Variants in RUNX2 observed in about 807,000 individuals in gnomAD.
RUNX2 encodes RUNX family transcription factor 2, also known as runt-related transcription factor 2.
A neutral mutation model predicts 51.7 loss-of-function variants in RUNX2; 10 were observed. The ratio of observed to expected loss-of-function variants is 0.19; its 90% CI spans 0.12 to 0.33. The LOEUF (loss-of-function observed/expected upper bound fraction) is 0.33. Ranked by LOEUF, RUNX2 falls within the 10% of genes least tolerant of loss-of-function variation. The pLI is 1.00. For synonymous variants in RUNX2, 276 were observed against 273.6 expected (o/e 1.01, Z -0.09); for missense variants, 562 against 691.3 (o/e 0.81, Z 2.10).
chr6:45,512,096 T>G, intron 6 of RUNX2, 150 bp from the exon 7 acceptor site: 1 of 673,082 alleles, frequency 1.5e-6, no homozygotes, highest in Non-Finnish European at 2.5e-6. Flanking sequence ...TTATAAGAGA[T>G]AAATAGCCAT....
chr6:45,474,596 G>A (rs1799902114), intron 5 of RUNX2, among the ~76,000 whole-genome samples: 1 of 152,102 alleles, frequency 6.6e-6, no homozygotes, highest in Non-Finnish European at 1.5e-5. Flanking sequence ...TAGTCTGGCT[G>A]TTGGTAATGC....
intron 5 of RUNX2, among the ~76,000 whole-genome samples, chr6:45,441,340 C>T (rs965985972): frequency 2.0e-5 from 3 of 152,130 alleles, no homozygotes; most frequent in South Asian, 2.1e-4. Flanking sequence ...GTCTTTATGT[C>T]GGACTGCTTG....
chr6:45,342,992 T>TAAA (rs1273228036), intron 2 of RUNX2, among the ~76,000 whole-genome samples: 1 of 152,182 alleles, frequency 6.6e-6, no homozygotes, highest in African/African-American at 2.4e-5. Context: ...AACCAACATT[T>TAAA]AAGCTCCCTG....
At chr6:45,519,822 G>T (rs2150428611) in intron 7 of RUNX2, among the ~76,000 whole-genome samples, 1 of 134,102 alleles carries the variant, frequency 7.5e-6, no homozygotes, top group East Asian at 2.5e-4. Context: ...GTGTGTGTGT[G>T]TGTGTGTGTG....
chr6:45,398,394 A>T (rs761614146), intron 2 of RUNX2, among the ~76,000 whole-genome samples: 23 of 152,208 alleles, frequency 1.5e-4, no homozygotes, highest in Non-Finnish European at 2.5e-4. Flanking sequence ...ACAAAGAGGC[A>T]GTTTAGCTGC....
chr6:45,546,081 T>A (rs556100037), intron 8 of RUNX2, among the ~76,000 whole-genome samples: 6 of 152,270 alleles, frequency 3.9e-5, no homozygotes, highest in East Asian at 1.9e-4. Flanking sequence ...TGTTAGCACC[T>A]GGTCTAAATC....
chr6:45,376,226 G>A (rs1234158468), intron 2 of RUNX2, among the ~76,000 whole-genome samples: 1 of 152,150 alleles, frequency 6.6e-6, no homozygotes, highest in East Asian at 1.9e-4. Context: ...CCCATGGTCT[G>A]AACTGCAGTA....
chr6:45,331,549 A>G (rs1055781484), intron 2 of RUNX2, among the ~76,000 whole-genome samples: 1 of 152,028 alleles, frequency 6.6e-6, no homozygotes, highest in African/African-American at 2.4e-5. Flanking sequence ...ACTCTAACAC[A>G]TATCAAAAGC....
At chr6:45,443,320 G>A (rs1327114856) in intron 5 of RUNX2, among the ~76,000 whole-genome samples, 1 of 152,052 alleles carries the variant, frequency 6.6e-6, no homozygotes, top group Non-Finnish European at 1.5e-5. Flanking sequence ...TGAGCAGCTG[G>A]AATTATAGGT....
At chr6:45,328,595 A>G (rs1786820954) in intron 1 of RUNX2, 66 bp from the exon 2 acceptor site, 1 of 1,591,080 alleles carries the variant, frequency 6.3e-7, no homozygotes, top group Non-Finnish European at 8.5e-7. Context: ...AAATAAATAT[A>G]AAGTCTATGT....
In RUNX2 at chr6:45,422,741, G is replaced by T. The variant is rs773334040; in HGVS notation, c.207G>T (p.Gln69His). The change falls in exon 3 of 9, where the codon CAG becomes CAT. Residue 69 changes from glutamine (Q) to histidine (H), a missense_variant. Transcript: ENST00000647337. ...AGCAGCAGCAGCAACAGCAGCAGCA[G>T]CAGCAGGAGGCGGCGGCGGCGGCTG... is the stretch of plus-strand genomic sequence containing the variant. ...QQQQQQQQQQ[Q>H]QQEAAAAAAA... is the part of the protein sequence containing the mutation. 1 of 1,552,386 alleles carries T rather than the reference G, an allele frequency of 6.4e-7. No individual in the cohort carries two copies. Among genetic ancestry groups the T allele is most frequent in the Non-Finnish European group, 8.7e-7 (1 of 1,153,868 alleles).
chr6:45,533,966 C>T (rs948731166), intron 7 of RUNX2, among the ~76,000 whole-genome samples: 11 of 145,830 alleles, frequency 7.5e-5, no homozygotes, highest in Middle Eastern at 3.7e-3. Flanking sequence ...TCGATCTCGG[C>T]TCACTGCAAC....
intron 2 of RUNX2, among the ~76,000 whole-genome samples, chr6:45,411,094 G>GT (rs1297824471): frequency 6.6e-6 from 1 of 152,106 alleles, no homozygotes; most frequent in African/African-American, 2.4e-5. Context: ...CCTTCTGAAA[G>GT]TTTTTTTCTT....
Position 45,400,276 on chromosome 6 carries a change from G to A in RUNX2, c.59-22317G>A, listed in dbSNP as rs139257213. 4.7e-4 allele frequency among the ~76,000 whole-genome samples: 71 copies of A among 152,224 alleles called. 1 individual carries two copies. The highest frequency in any genetic ancestry group is 3.3e-3 in the East Asian group (17 of 5,166). The stretch of plus-strand genomic sequence containing the variant: ...AGGGAGGAAGGGAAATTAGAGAGGC[G>A]TGAGGGAAGGTGGAGAAAAGAGAGG... On this transcript the variant is annotated intron_variant, in intron 2 of 8. Coordinates refer to ENST00000647337, the MANE Select transcript of RUNX2 (RefSeq NM_001024630.4).
At chr6:45,409,301 G>A (rs2064629) in intron 2 of RUNX2, among the ~76,000 whole-genome samples, 139,640 of 152,204 alleles carry the variant, frequency 0.92, 64,351 homozygotes, top group African/African-American at 0.98. Context: ...TAGACTGAAA[G>A]ATGGGAAGTA....
intron 2 of RUNX2, among the ~76,000 whole-genome samples, chr6:45,338,823 C>T (rs1180648003): frequency 6.6e-6 from 1 of 152,028 alleles, no homozygotes; most frequent in African/African-American, 2.4e-5. Context: ...GCATCCAGGG[C>T]ACAAAATTTA....
In RUNX2 at chr6:45,344,504, T is replaced by C. The variant is rs149369847; in HGVS notation, c.58+15720T>C. ...CTAAATATCCAGTGGAGAGCCCATA[T>C]ATGTACATTTTCCTTTGAACGTCTA... On this transcript the variant is annotated intron_variant, in intron 2 of 8. Transcript: ENST00000647337. Among the ~76,000 whole-genome samples the C allele has an allele frequency of 3.1e-3, 474 of 152,234 alleles. 2 individuals carry two copies. Among genetic ancestry groups the C allele is most frequent in the African/African-American group, 8.3e-3 (343 of 41,550 alleles).
rs754318665 is a variant in RUNX2, at chr6:45,547,277, T to C, written c.1538T>C (p.Met513Thr). The change falls in exon 9 of 9, where the codon ATG becomes ACG. Residue 513 changes from methionine to threonine, a missense_variant. Physicochemically the swap from Met to Thr is moderately conservative, Grantham distance 81. This residue lies in a region of RUNX2 where 304 missense variants were observed against 353.2 expected (regional missense o/e 0.86). Transcript: ENST00000647337. ...ACTGTTTTGAATTCTAGTGGCAGAA[T>C]GGATGAATCTGTTTGGCGACCATAT... ...SPTVLNSSGR[M>T]DESVWRPY 1.2e-6 allele frequency: 2 copies of C among 1,614,180 alleles called. No individual in the cohort carries two copies. The highest frequency in any genetic ancestry group is 3.3e-5 in the Admixed American group (2 of 60,036).
intron 7 of RUNX2, among the ~76,000 whole-genome samples, chr6:45,521,034 A>G (rs1801492494): frequency 6.6e-6 from 1 of 152,188 alleles, no homozygotes; most frequent in African/African-American, 2.4e-5. Context: ...CCTTTAGCAT[A>G]AAAATTTAAT....
Sources: allele counts gnomAD v4.1 joint callset (sites outside exome capture counted in the v4.1 genomes callset), GRCh38; gene constraint gnomAD v4.1.1; regional missense constraint gnomAD v4.1.1; transcripts MANE v1.5; gene names NCBI Gene and HGNC (gene_info 2026-07-23, HGNC 2026-07-21).